Variants in CCDC171 observed in about 807,000 individuals in gnomAD.
The protein encoded by CCDC171 is coiled-coil domain-containing protein 171.
In CCDC171, 177 loss-of-function variants were observed where a neutral mutation model predicts 168.2. That is an observed-to-expected ratio of 1.05 (90% confidence interval 0.93 to 1.19). The LOEUF is 1.19. Ranked by LOEUF, CCDC171 falls within the 50% of genes most tolerant of loss-of-function variation. The pLI is 0.00. For missense variants in CCDC171, 1,991 were observed against 1,539.0 expected, an observed-to-expected ratio of 1.29 and a Z score of -4.91; for synonymous variants, 687 against 540.8, an observed-to-expected ratio of 1.27 and a Z score of -3.75.
intron 24 of CCDC171, among the ~76,000 whole-genome samples, chr9:15,881,961 T>TA (rs1349309709): frequency 2.6e-5 from 4 of 152,190 alleles, no homozygotes; most frequent in Non-Finnish European, 5.9e-5. Context: ...ACATACCCAG[T>TA]AGTGGAGTTA....
At chr9:15,767,391 A>T (rs1162748192) in intron 18 of CCDC171, among the ~76,000 whole-genome samples, 1 of 151,862 alleles carries the variant, frequency 6.6e-6, no homozygotes, top group Admixed American at 6.6e-5. Context: ...TCTGACTCTG[A>T]CCTCTTCTTC....
At chr9:15,683,289 G>A (rs371891141) in intron 10 of CCDC171, among the ~76,000 whole-genome samples, 1 of 151,944 alleles carries the variant, frequency 6.6e-6, no homozygotes, top group Admixed American at 6.6e-5. Context: ...ATGATTGCTA[G>A]CATTAAATAT....
chr9:15,968,660 C>T (rs895532478), intron 25 of CCDC171, among the ~76,000 whole-genome samples: 1 of 151,572 alleles, frequency 6.6e-6, no homozygotes, highest in Admixed American at 6.6e-5. Context: ...GATTCCCCTG[C>T]CTCAGCCTCC....
At chr9:15,621,213 T>C (rs276432) in intron 6 of CCDC171, among the ~76,000 whole-genome samples, 85,363 of 152,114 alleles carry the variant, frequency 0.56, 24,224 homozygotes, top group East Asian at 0.76. Context: ...GTGATCCATC[T>C]GCCTTGGCCT....
intron 8 of CCDC171, among the ~76,000 whole-genome samples, chr9:15,658,416 A>G (rs934811527): frequency 6.6e-6 from 1 of 152,218 alleles, no homozygotes; most frequent in Non-Finnish European, 1.5e-5. Context: ...ACCTGAATCA[A>G]GACAACGACT....
Position 15,816,104 on chromosome 9 carries a change from G to A in CCDC171, c.3268-30598G>A, listed in dbSNP as rs936176431. Among the ~76,000 whole-genome samples, 3 of 117,414 alleles carry A rather than the reference G, an allele frequency of 2.6e-5. 1 individual carries two copies. Among genetic ancestry groups the A allele is most frequent in the African/African-American group, 9.5e-5 (3 of 31,564 alleles). The allele number at this position is 117,414 out of a possible 152,430, so 77.0% of individuals were successfully genotyped here. A position where few individuals can be genotyped will look rare whatever the true frequency, so the allele number is the denominator to read the frequency against. ...TTATTATGATGTCCTATTATGATAT[G>A]ATAATTTCCTTTTTTCAAAGTGTAT... On this transcript the variant is annotated intron_variant, in intron 21 of 25. Transcript: ENST00000380701.
intron 3 of CCDC171, among the ~76,000 whole-genome samples, chr9:15,999,398 G>GGAAA (rs1211933552): frequency 1.4e-5 from 2 of 144,218 alleles, no homozygotes; most frequent in Admixed American, 7.0e-5. Flanking sequence ...AAGGAAGGAA[G>GGAAA]GAAAGAAAGA....
At chr9:15,971,299 T>A (rs1831334318) in intron 25 of CCDC171, among the ~76,000 whole-genome samples, 1 of 152,132 alleles carries the variant, frequency 6.6e-6, no homozygotes, top group African/African-American at 2.4e-5. Flanking sequence ...TGGACTGAAG[T>A]CAAGGTAAAA....
At position 16,030,461 on chromosome 9, in the gene CCDC171, CAT is replaced by C. The variant is rs374782400; in HGVS notation, n.999-4994_999-4993del. On this transcript the variant is annotated intron_variant and non_coding_transcript_variant, in intron 6 of 9. Coordinates refer to the CCDC171 transcript ENST00000486641. ...TGAAGCACTTTAAAAGATTTTAGTA[CAT>C]AGTCTATAGGTGTGTACTGTTCAAT... Among the ~76,000 whole-genome samples, 18 of 152,200 alleles carry C rather than the reference CAT, an allele frequency of 1.2e-4. No individual in the cohort carries two copies. In the East Asian group the frequency reaches 3.5e-3, roughly 29 times the overall value.
At chr9:15,569,683 C>T (rs972457173) in intron 2 of CCDC171, among the ~76,000 whole-genome samples, 11 of 151,466 alleles carry the variant, frequency 7.3e-5, no homozygotes, top group Admixed American at 4.6e-4. Flanking sequence ...GGCGTGGTGG[C>T]GGGCGCCTGT....
At chr9:15,924,716 A>G (rs758970180) in intron 25 of CCDC171, among the ~76,000 whole-genome samples, 2 of 151,478 alleles carry the variant, frequency 1.3e-5, no homozygotes, top group African/African-American at 4.8e-5. Flanking sequence ...ACTTGCTTCT[A>G]TATACTCACT....
intron 23 of CCDC171, among the ~76,000 whole-genome samples, chr9:15,865,739 A>G (rs2061751757): frequency 6.6e-6 from 1 of 152,006 alleles, no homozygotes; most frequent in Non-Finnish European, 1.5e-5. Flanking sequence ...TTCCAATAGT[A>G]GACTGTTTGT....
Position 15,571,584 on chromosome 9 carries a change from A to T in CCDC171, c.42-40A>T, listed in dbSNP as rs375167819. 18 of 1,447,538 alleles carry T rather than the reference A, an allele frequency of 1.2e-5. No homozygotes were observed. In the Admixed American group the frequency reaches 3.5e-4, roughly 28 times the overall value. 89.7% of individuals were successfully genotyped at this position (1,447,538 alleles called of 1,614,324 possible). ...TCAGAAATGCTCTGAAATGTGCTTT[A>T]TGAGAAGCATATACATTTTACTGTA... On this transcript the variant is annotated intron_variant, in intron 2 of 25. Coordinates refer to ENST00000380701, the MANE Select transcript of CCDC171 (RefSeq NM_173550.4).
intron 23 of CCDC171, among the ~76,000 whole-genome samples, chr9:15,863,703 G>A (rs192846537): frequency 4.6e-5 from 7 of 151,980 alleles, no homozygotes; most frequent in Non-Finnish European, 1.5e-5. Flanking sequence ...TACTTATGTG[G>A]TAAGGTCAAT....
chr9:15,957,063 C>A (rs1393484875), intron 25 of CCDC171, among the ~76,000 whole-genome samples: 1 of 147,848 alleles, frequency 6.8e-6, no homozygotes, highest in African/African-American at 2.5e-5. Context: ...TAATGTATCA[C>A]TATAATATTT....
intron 3 of CCDC171, among the ~76,000 whole-genome samples, chr9:15,979,271 C>G (rs58620173): frequency 6.6e-6 from 1 of 152,008 alleles, no homozygotes; most frequent in African/African-American, 2.4e-5. Context: ...AATCTAAATG[C>G]CTTTCGTTTC....
chr9:15,992,391 C>T (rs1244707043), intron 3 of CCDC171, among the ~76,000 whole-genome samples: 1 of 152,180 alleles, frequency 6.6e-6, no homozygotes, highest in Non-Finnish European at 1.5e-5. Context: ...CAAAATTCAA[C>T]AGCTCTTCAT....
intron 21 of CCDC171, among the ~76,000 whole-genome samples, chr9:15,816,796 C>A (rs2059577252): frequency 8.5e-6 from 1 of 117,974 alleles, no homozygotes. Flanking sequence ...ATTTAATAAC[C>A]TTTTTTAATG....
chr9:15,993,494 G>T (rs1426036163), intron 3 of CCDC171, among the ~76,000 whole-genome samples: 1 of 152,022 alleles, frequency 6.6e-6, no homozygotes, highest in Non-Finnish European at 1.5e-5. Context: ...AAAAACCCTA[G>T]AAAAAAACCT....
Sources: allele counts gnomAD v4.1 joint callset (sites outside exome capture counted in the v4.1 genomes callset), GRCh38; gene constraint gnomAD v4.1.1; transcripts MANE v1.5; gene names NCBI Gene and HGNC (gene_info 2026-07-23, HGNC 2026-07-21).